The following C5AR1 variants were observed in gnomAD, a reference collection of about 807,000 sequenced individuals.
C5AR1 encodes the protein C5a anaphylatoxin chemotactic receptor 1.
C5AR1 carries 4 observed loss-of-function variants against 2.4 expected under a neutral mutation model. That is an observed-to-expected ratio of 1.65 (90% CI 0.81 to 3.77). The LOEUF is 3.77. C5AR1 is among the 30% of genes most tolerant of loss of function. The pLI is 0.01. For missense variants in C5AR1, 418 were observed against 462.5 expected (o/e 0.90, Z 0.88); for synonymous variants, 209 against 210.4 (o/e 0.99, Z 0.06).
intron 1 of C5AR1, 89 bp downstream of exon 1, chr19:47,309,987 T>C: frequency 7.3e-7 from 1 of 1,366,520 alleles, no homozygotes; most frequent in Non-Finnish European, 1.0e-6. Flanking sequence ...TCCCCAACTC[T>C]CGCCGTCAAC....
chr19:47,313,414 C>T (rs552362443), intron 1 of C5AR1, among the ~76,000 whole-genome samples: 8 of 152,142 alleles, frequency 5.3e-5, no homozygotes, highest in South Asian at 4.1e-4. Flanking sequence ...CATGCCCCCC[C>T]ACTCCCAATG....
intron 1 of C5AR1, among the ~76,000 whole-genome samples, chr19:47,317,187 C>T (rs1332011273): frequency 2.3e-5 from 3 of 132,922 alleles, no homozygotes; most frequent in Middle Eastern, 4.4e-3. Context: ...ATCAAGACCC[C>T]GTCTCAAAAA....
chr19:47,316,796 A>G (rs1229129611), intron 1 of C5AR1, among the ~76,000 whole-genome samples: 2 of 151,674 alleles, frequency 1.3e-5, no homozygotes, highest in Admixed American at 6.6e-5. Context: ...TCAATAATTT[A>G]CTCATGGATA....
rs192780188 is a variant in C5AR1 at position 47,318,354 on chromosome 19, C to T, written c.4-1427C>T. Among the ~76,000 whole-genome samples, 380 of 150,322 alleles carry T rather than the reference C, an allele frequency of 2.5e-3. 6 individuals are homozygous for T. Among genetic ancestry groups the T allele is most frequent in the Admixed American group, 0.022 (332 of 15,000 alleles). ...TGTCGCCCAGGCTGGAGTGCAGTGT[C>T]GCTATCTCAGCTCATTGCAACTTCC... is the stretch of plus-strand genomic sequence containing the variant. On this transcript the variant is annotated intron_variant, in intron 1 of 1. Coordinates refer to ENST00000355085, the MANE Select transcript of C5AR1 (RefSeq NM_001736.4).
In C5AR1 at chr19:47,320,551, C is replaced by T. The variant is rs200593256; in HGVS notation, c.774C>T (p.Tyr258=). The T allele has an allele frequency of 1.2e-6, 2 of 1,613,992 alleles. No individual in the cohort carries two copies. Among genetic ancestry groups the T allele is most frequent in the Non-Finnish European group, 1.7e-6 (2 of 1,179,978 alleles). The change falls in exon 2 of 2, where the codon TAC becomes TAT. Residue 258 remains tyrosine, a synonymous_variant. Coordinates refer to ENST00000355085, the MANE Select transcript of C5AR1 (RefSeq NM_001736.4). The surrounding 1 kb of genome is among the most constrained non-coding windows in gnomAD (Gnocchi z 4.9). ...GTTTCTTTATCTTCTGGTTGCCCTA[C>T]CAGGTGACGGGGATAATGATGTCCT... is the stretch of plus-strand genomic sequence containing the variant. ...VASFFIFWLP[Y]QVTGIMMSFL...
In C5AR1 at chr19:47,321,045, C is replaced by G. The variant is rs557508187; in HGVS notation, c.*215C>G. ...GTGAACACTTCCTTCTAGGGAGCAC[C>G]CTCCCACCCCCCACCCCCCCCACAC... On this transcript the variant is annotated 3_prime_UTR_variant, in exon 2 of 2. Coordinates refer to ENST00000355085, the MANE Select transcript of C5AR1 (RefSeq NM_001736.4). 1 of 278,510 alleles carries G rather than the reference C, an allele frequency of 3.6e-6. No individual in the cohort carries two copies. The highest frequency in any genetic ancestry group is 5.9e-6 in the Non-Finnish European group (1 of 169,596). The allele number at this position is 278,510 out of a possible 1,614,324, so 17.3% of individuals were successfully genotyped here.
At chr19:47,319,721 C>T (rs998506287) in intron 1 of C5AR1, 60 bp from the exon 2 acceptor site, 6 of 1,101,572 alleles carry the variant, frequency 5.4e-6, no homozygotes, top group Middle Eastern at 2.0e-4. Context: ...AGCCAGGATG[C>T]CCCCTACCCG....
intron 1 of C5AR1, among the ~76,000 whole-genome samples, chr19:47,317,371 A>C (rs1362768703): frequency 6.6e-6 from 1 of 151,062 alleles, no homozygotes; most frequent in Non-Finnish European, 1.5e-5. Flanking sequence ...AGCTGGGCAC[A>C]GTAGTATGCA....
At chr19:47,317,371 A>G (rs1362768703) in intron 1 of C5AR1, among the ~76,000 whole-genome samples, 1 of 151,062 alleles carries the variant, frequency 6.6e-6, no homozygotes, top group Non-Finnish European at 1.5e-5. Context: ...AGCTGGGCAC[A>G]GTAGTATGCA....
intron 1 of C5AR1, among the ~76,000 whole-genome samples, chr19:47,313,271 T>C (rs2059276406): frequency 6.6e-6 from 1 of 151,138 alleles, no homozygotes. Flanking sequence ...CCACCGCGCC[T>C]GGCGTCCAGC....
chr19:47,317,568 A>G (rs2059294075), intron 1 of C5AR1, among the ~76,000 whole-genome samples: 1 of 151,074 alleles, frequency 6.6e-6, no homozygotes, highest in African/African-American at 2.4e-5. Context: ...GAGCTCTTCA[A>G]TAACTGACAA....
At chr19:47,317,731 C>T (rs1461196780) in intron 1 of C5AR1, among the ~76,000 whole-genome samples, 1 of 151,734 alleles carries the variant, frequency 6.6e-6, no homozygotes, top group Non-Finnish European at 1.5e-5. Flanking sequence ...GCCTGTAATC[C>T]CAGCATTTTG....
chr19:47,308,540 T>C (rs550854826), upstream of C5AR1, among the ~76,000 whole-genome samples: 84 of 151,914 alleles, frequency 5.5e-4, no homozygotes, highest in African/African-American at 2.0e-3. Flanking sequence ...TTTTTTCTTT[T>C]CTTTTCTTTT....
At position 47,319,918 on chromosome 19, in the gene C5AR1, C is replaced by T. The variant is rs199853893; in HGVS notation, c.141C>T (p.Val47=). 2.5e-6 allele frequency: 4 copies of T among 1,614,268 alleles called. No homozygotes were observed. Among genetic ancestry groups the T allele is most frequent in the Non-Finnish European group, 3.4e-6 (4 of 1,180,052 alleles). Residue 47 remains valine, a synonymous_variant, in exon 2 of 2, where the codon GTC becomes GTT. Coordinates refer to ENST00000355085, the MANE Select transcript of C5AR1 (RefSeq NM_001736.4). ...TGGCCTTGGTCATCTTTGCAGTCGT[C>T]TTCCTGGTGGGAGTGCTGGGCAATG... ...DILALVIFAV[V]FLVGVLGNAL...
At chr19:47,308,566 T>TG (rs2059260779), upstream of C5AR1, among the ~76,000 whole-genome samples, 1 of 150,802 alleles carries the variant, frequency 6.6e-6, no homozygotes, top group Non-Finnish European at 1.5e-5. Flanking sequence ...TCTTTTTTTT[T>TG]TTTTTGAGAT....
intron 1 of C5AR1, among the ~76,000 whole-genome samples, chr19:47,316,833 C>G (rs900125893): frequency 2.0e-5 from 3 of 151,664 alleles, no homozygotes; most frequent in Admixed American, 6.6e-5. Context: ...TGCCCACTGC[C>G]CATAGCCTGG....
chr19:47,322,031 T>C lies in C5AR1; in HGVS notation c.*1201T>C, dbSNP rs1316896685. The C allele has an allele frequency of 6.6e-6, 1 of 152,152 alleles. No homozygotes were observed. Among genetic ancestry groups the C allele is most frequent in the East Asian group, 1.9e-4 (1 of 5,202 alleles). 9.4% of individuals were successfully genotyped at this position (152,152 alleles called of 1,614,324 possible). ...TTTGAGCTTAAAAAAAAAGTATACA[T>C]GACTTTAATGAGGAAAATAAAAATG... On this transcript the variant is annotated 3_prime_UTR_variant, in exon 2 of 2. Transcript: ENST00000355085.
chr19:47,311,151 G>C (rs1315112927), intron 1 of C5AR1, among the ~76,000 whole-genome samples: 1 of 152,018 alleles, frequency 6.6e-6, no homozygotes, highest in African/African-American at 2.4e-5. Flanking sequence ...GGGACTCTCT[G>C]ATTCTTCTTC....
Position 47,319,830 on chromosome 19 carries a change from A to T in C5AR1, c.53A>T (p.Asp18Val). 1 of 1,613,988 alleles carries T rather than the reference A, an allele frequency of 6.2e-7. No homozygotes were observed. Among genetic ancestry groups the T allele is most frequent in the African/African-American group, 1.3e-5 (1 of 75,032 alleles). The change falls in exon 2 of 2, where the codon GAT (aspartate) becomes GTT (valine). Residue 18 changes from aspartate to valine, a missense_variant. Transcript: ENST00000355085. ...GATTATGGGCACTATGATGACAAGG[A>T]TACCCTGGACCTCAACACCCCTGTG... ...TPDYGHYDDKDTLDLNTPVDK... is the reference protein window; with the variant it reads ...TPDYGHYDDKVTLDLNTPVDK...
Sources: gnomAD v4.1 joint callset for allele counts (sites outside exome capture counted in the v4.1 genomes callset) on GRCh38, gnomAD v4.1.1 for gene constraint, Gnocchi (gnomAD v3.1) non-coding constraint, MANE v1.5 for transcripts, NCBI Gene and HGNC (gene_info 2026-07-23, HGNC 2026-07-21) for gene names.